INTS14: variants seen among roughly 807,000 people sequenced by gnomAD.
INTS14 encodes integrator complex subunit 14.
INTS14 carries 27 observed loss-of-function variants against 56.9 expected under a neutral mutation model. The ratio of observed to expected loss-of-function variants is 0.47; its 90% CI spans 0.35 to 0.65. INTS14 has a LOEUF of 0.65. Ranked by LOEUF, INTS14 falls within the 30% of genes least tolerant of loss-of-function variation. The pLI, the probability that INTS14 is intolerant of heterozygous loss-of-function variation, is 0.00. For missense variants in INTS14, 517 were observed against 632.2 expected (o/e 0.82, Z 1.95); for synonymous variants, 207 against 236.2 (o/e 0.88, Z 1.13).
intron 3 of INTS14, among the ~76,000 whole-genome samples, chr15:65,600,613 C>A (rs1277286283): frequency 2.0e-5 from 3 of 151,504 alleles, no homozygotes; most frequent in African/African-American, 7.3e-5. Flanking sequence ...CAAAGTGAGA[C>A]CCTGTTTGGA....
At position 65,599,855 on chromosome 15, in the gene INTS14, T is replaced by G; in HGVS notation, c.405A>C (p.Gln135His). 2 of 1,614,148 alleles carry G rather than the reference T, an allele frequency of 1.2e-6. No individual in the cohort carries two copies. Among genetic ancestry groups the G allele is most frequent in the Non-Finnish European group, 1.7e-6 (2 of 1,179,988 alleles). The change falls in exon 4 of 12, where the codon CAA (glutamine) becomes CAC (histidine). Residue 135 changes from glutamine (Q) to histidine (H), a missense_variant. Physicochemically the swap from Gln to His is conservative, Grantham distance 24. Coordinates refer to ENST00000313182, the MANE Select transcript of INTS14 (RefSeq NM_001394796.1). ...SLRHSLATQN[Q>H]RSESNRFPLP... ...GTGGAAACCTGTTGCTCTCACTTCG[T>G]TGATTTTGAGTGGCTAGGGAATGTC...
At chr15:65,582,751 GA>G (rs551720286) in intron 10 of INTS14, among the ~76,000 whole-genome samples, 11 of 152,098 alleles carry the variant, frequency 7.2e-5, no homozygotes, top group Non-Finnish European at 1.5e-4. Context: ...ACACTATAAA[GA>G]GAGTGAAAAG....
intron 2 of INTS14, 32 bp downstream of exon 2, chr15:65,607,127 C>T (rs550299318): frequency 1.2e-6 from 2 of 1,609,394 alleles, no homozygotes; most frequent in Non-Finnish European, 1.7e-6. Context: ...AATTTAGGCC[C>T]TGTACATACA....
At chr15:65,591,501 G>A in intron 9 of INTS14, 97 bp downstream of exon 9, 1 of 1,477,612 alleles carries the variant, frequency 6.8e-7, no homozygotes. Flanking sequence ...ATACCAGTAA[G>A]GGAGATCAAT....
intron 11 of INTS14, among the ~76,000 whole-genome samples, chr15:65,580,994 C>T (rs1052019169): frequency 2.6e-5 from 4 of 152,318 alleles, no homozygotes; most frequent in Non-Finnish European, 4.4e-5. Flanking sequence ...GGGTGGCTCA[C>T]GCTTGTAATC....
intron 8 of INTS14, among the ~76,000 whole-genome samples, 196 bp downstream of exon 8, chr15:65,593,232 C>G (rs962020052): frequency 1.3e-5 from 2 of 151,798 alleles, no homozygotes; most frequent in Non-Finnish European, 2.9e-5. Flanking sequence ...CACTGTACCC[C>G]TGGGGGACAG....
intron 2 of INTS14, 86 bp from the exon 3 acceptor site, chr15:65,605,322 T>C: frequency 3.9e-6 from 4 of 1,022,168 alleles, no homozygotes; most frequent in Non-Finnish European, 6.0e-6. Context: ...AAAGTATGAA[T>C]GTTACACAGG....
At chr15:65,582,281 G>T (rs974996649) in intron 10 of INTS14, among the ~76,000 whole-genome samples, 4 of 152,136 alleles carry the variant, frequency 2.6e-5, no homozygotes, top group Non-Finnish European at 4.4e-5. Context: ...TACATCTATT[G>T]CCAGGGACTT....
chr15:65,587,349 A>G (rs868422139), intron 9 of INTS14, among the ~76,000 whole-genome samples: 5 of 152,062 alleles, frequency 3.3e-5, no homozygotes, highest in African/African-American at 1.2e-4. Flanking sequence ...GATGACGCTA[A>G]GAAAAAAAAA....
At chr15:65,603,237 A>G (rs181194273) in intron 3 of INTS14, among the ~76,000 whole-genome samples, 1 of 152,360 alleles carries the variant, frequency 6.6e-6, no homozygotes, top group Non-Finnish European at 1.5e-5. Context: ...TATATTCTAT[A>G]AAACAGGGAG....
At chr15:65,586,671 T>C (rs2072836593) in intron 9 of INTS14, 1 of 152,064 alleles carries the variant, frequency 6.6e-6, no homozygotes, top group African/African-American at 2.4e-5. Flanking sequence ...TTTAAAAAGA[T>C]AGTATAAACA....
intron 11 of INTS14, among the ~76,000 whole-genome samples, chr15:65,581,194 A>C (rs2072595261): frequency 6.6e-6 from 1 of 152,158 alleles, no homozygotes; most frequent in Non-Finnish European, 1.5e-5. Context: ...AGCCTGGCCA[A>C]CATGGTGAAA....
chr15:65,592,286 T>C lies in INTS14; in HGVS notation c.987-555A>G, dbSNP rs535251717. On this transcript the variant is annotated intron_variant, in intron 8 of 11. Coordinates refer to ENST00000313182, the MANE Select transcript of INTS14 (RefSeq NM_001394796.1). ...TTCCTCTTTTTGGACCAGCTAATTT[T>C]AACTGTAGCAGAAATGGAGCCATGC... Among the ~76,000 whole-genome samples the C allele has an allele frequency of 2.0e-5, 3 of 152,388 alleles. No homozygotes were observed. The South Asian group carries it at 6.2e-4, about 32-fold the overall frequency.
Position 65,578,950 on chromosome 15 carries a change from T to C in INTS14, c.*458A>G, listed in dbSNP as rs1018640983. The C allele has an allele frequency of 1.1e-4, 17 of 153,540 alleles. No individual in the cohort carries two copies. Among genetic ancestry groups the C allele is most frequent in the Non-Finnish European group, 4.3e-5 (3 of 69,082 alleles). The allele number at this position is 153,540 out of a possible 1,614,324, so 9.5% of individuals were successfully genotyped here. On this transcript the variant is annotated 3_prime_UTR_variant, in exon 12 of 12. Transcript: ENST00000313182. ...TTCTAAGGAAAGTTCTGAAACTTAG[T>C]GGTGGTGTGTTTGTACTCAGCAAGC...
chr15:65,594,977 T>G (rs901608855), intron 7 of INTS14, among the ~76,000 whole-genome samples: 8 of 152,180 alleles, frequency 5.3e-5, no homozygotes, highest in Non-Finnish European at 1.2e-4. Flanking sequence ...TGGTCATTAC[T>G]CAGTATGTGA....
chr15:65,604,314 C>T (rs1396721222), intron 3 of INTS14, among the ~76,000 whole-genome samples: 1 of 152,136 alleles, frequency 6.6e-6, no homozygotes, highest in South Asian at 2.1e-4. Flanking sequence ...GATCTCTTGA[C>T]CTGGTGATCC....
chr15:65,599,902 C>A lies in INTS14; in HGVS notation c.358G>T (p.Gly120Cys). Reference protein sequence around the residue: ...QVVLVTDGCLGIGRGSLRHSL... With the variant: ...QVVLVTDGCLCIGRGSLRHSL... ...TGTCGCAGTGACCCTCTACCAATGCCAAGACAGCCGTCTGTCACCAGGACA... is the reference window on the plus strand; with the variant it reads ...TGTCGCAGTGACCCTCTACCAATGCAAAGACAGCCGTCTGTCACCAGGACA... Residue 120 changes from glycine (G) to cysteine (C), a missense_variant, in exon 4 of 12, where the codon GGC (glycine) becomes TGC (cysteine). Coordinates refer to ENST00000313182, the MANE Select transcript of INTS14 (RefSeq NM_001394796.1). 1 of 1,613,332 alleles carries A rather than the reference C, an allele frequency of 6.2e-7. No individual in the cohort carries two copies. The highest frequency in any genetic ancestry group is 8.5e-7 in the Non-Finnish European group (1 of 1,179,668).
In INTS14 at chr15:65,607,372, T is replaced by G; in HGVS notation, c.9A>C (p.Thr3=). Reference sequence around the variant, plus strand: ...AAAGGGATACATCCATTACCACCACTGTCGGCATGATGAAAATGATCCCAG... The same window carrying G: ...AAAGGGATACATCCATTACCACCACGGTCGGCATGATGAAAATGATCCCAG... The part of the protein sequence containing the change: MP[T]VVVMDVSLSM... Residue 3 remains threonine, a synonymous_variant, in exon 2 of 12, where the codon ACA becomes ACC. Transcript: ENST00000313182. 1 of 1,614,208 alleles carries G rather than the reference T, an allele frequency of 6.2e-7. No homozygotes were observed. The highest frequency in any genetic ancestry group is 8.5e-7 in the Non-Finnish European group (1 of 1,180,038).
rs771264076 is a variant in INTS14, at chr15:65,581,971, T to C, written c.1288A>G (p.Thr430Ala). The C allele has an allele frequency of 1.9e-6, 3 of 1,613,314 alleles. No individual in the cohort carries two copies. In the East Asian group the frequency reaches 6.7e-5, roughly 36 times the overall value. ...LRNARKLPEK[T>A]QTFYKELNRL... Reference sequence around the variant, plus strand: ...TGTCTCACCTTATAGAATGTCTGTGTTTTTTCAGGTAGTTTCCTTGCATTT... The same window carrying C: ...TGTCTCACCTTATAGAATGTCTGTGCTTTTTCAGGTAGTTTCCTTGCATTT... Residue 430 changes from threonine to alanine, a missense_variant, in exon 11 of 12, where the codon ACA becomes GCA. Coordinates refer to ENST00000313182, the MANE Select transcript of INTS14 (RefSeq NM_001394796.1).
Sources: gnomAD v4.1 joint callset for allele counts (sites outside exome capture counted in the v4.1 genomes callset) on GRCh38, gnomAD v4.1.1 for gene constraint, MANE v1.5 for transcripts, NCBI Gene and HGNC (gene_info 2026-07-23, HGNC 2026-07-21) for gene names.